The following CEMIP2 variants were observed in gnomAD, a reference collection of about 807,000 sequenced individuals.
The protein encoded by CEMIP2 is cell surface hyaluronidase CEMIP2.
In CEMIP2, 79 loss-of-function variants were observed where a neutral mutation model predicts 146.9. The observed-to-expected ratio is 0.54, with a 90% CI of 0.45 to 0.65. The LOEUF is 0.65. CEMIP2 is among the 30% of genes least tolerant of loss of function. The probability of loss-of-function intolerance (pLI) is 0.00; values close to 1 mark genes in which losing one functional copy is unlikely to be tolerated. For missense variants in CEMIP2, 1,596 were observed against 1,696.2 expected, an observed-to-expected ratio of 0.94 and a Z score of 1.04; for synonymous variants, 601 against 606.3, an observed-to-expected ratio of 0.99 and a Z score of 0.13.
intron 10 of CEMIP2, among the ~76,000 whole-genome samples, chr9:71,726,626 G>C (rs1192999953): frequency 6.6e-6 from 1 of 152,170 alleles, no homozygotes; most frequent in Non-Finnish European, 1.5e-5. Context: ...CTTACTAGCT[G>C]TAACAAATAG....
At chr9:71,690,851 T>C (rs936695287) in intron 21 of CEMIP2, among the ~76,000 whole-genome samples, 2 of 152,184 alleles carry the variant, frequency 1.3e-5, no homozygotes, top group Non-Finnish European at 2.9e-5. Flanking sequence ...ATTTTCAAAG[T>C]CATCCTCTTT....
chr9:71,734,281 C>A (rs181359880), intron 6 of CEMIP2, among the ~76,000 whole-genome samples: 3 of 151,010 alleles, frequency 2.0e-5, no homozygotes, highest in Non-Finnish European at 4.4e-5. Context: ...AGAAATACTT[C>A]TATTAATAAA....
intron 14 of CEMIP2, 93 bp downstream of exon 14, chr9:71,716,424 A>G (rs190410933): frequency 1.2e-5 from 13 of 1,090,894 alleles, no homozygotes; most frequent in Non-Finnish European, 1.6e-5. Flanking sequence ...TGTTAAAAAA[A>G]ATAATAAAAC....
chr9:71,685,633 C>G lies in CEMIP2; in HGVS notation c.3955+110G>C, dbSNP rs1822038135. ...TTATTTAGAAATCATCTTAATGATA[C>G]CCACTCCAGCAAACAAGCTCATGAA... On this transcript the variant is annotated intron_variant, in intron 23 of 23. Coordinates refer to ENST00000377044, the MANE Select transcript of CEMIP2 (RefSeq NM_013390.3). 25 of 929,658 alleles carry G rather than the reference C, an allele frequency of 2.7e-5. No individual in the cohort carries two copies. In the South Asian group the frequency reaches 3.9e-4, roughly 14 times the overall value. 57.6% of individuals were successfully genotyped at this position (929,658 alleles called of 1,614,324 possible).
At chr9:71,756,949 A>G (rs1306962367) in intron 1 of CEMIP2, among the ~76,000 whole-genome samples, 2 of 152,234 alleles carry the variant, frequency 1.3e-5, no homozygotes, top group African/African-American at 2.4e-5. Flanking sequence ...TCAAAGAGAA[A>G]GGCTTCTCAA....
At chr9:71,733,517 A>G (rs1397045011) in intron 6 of CEMIP2, among the ~76,000 whole-genome samples, 1 of 152,224 alleles carries the variant, frequency 6.6e-6, no homozygotes, top group African/African-American at 2.4e-5. Flanking sequence ...ACGGAAGCAC[A>G]GGGAAAAAAG....
chr9:71,740,265 C>T (rs1433697834), intron 4 of CEMIP2, 33 bp from the exon 5 acceptor site: 1 of 1,604,968 alleles, frequency 6.2e-7, no homozygotes, highest in South Asian at 1.1e-5. Flanking sequence ...CATTTGATTA[C>T]TTGTCATGGT....
At chr9:71,766,193 C>T (rs1055621906) in intron 1 of CEMIP2, among the ~76,000 whole-genome samples, 4 of 151,854 alleles carry the variant, frequency 2.6e-5, no homozygotes, top group Admixed American at 6.6e-5. Context: ...CTCAGCCTCC[C>T]GAGTAGCTGG....
chr9:71,737,722 T>C (rs1481364642), intron 5 of CEMIP2, among the ~76,000 whole-genome samples: 1 of 152,152 alleles, frequency 6.6e-6, no homozygotes, highest in African/African-American at 2.4e-5. Flanking sequence ...GATTCTGTTT[T>C]TGTACTCTTG....
intron 12 of CEMIP2, among the ~76,000 whole-genome samples, chr9:71,721,853 T>C (rs928391140): frequency 8.5e-5 from 13 of 152,354 alleles, no homozygotes; most frequent in African/African-American, 3.1e-4. Context: ...ATATAGCATG[T>C]AAGAGAACTC....
chr9:71,685,348 CATG>C lies in CEMIP2; in HGVS notation c.3998_4000del (p.Ser1333del), dbSNP rs1268562815. Reference sequence around the variant, plus strand: ...AGCAGGACTGGTAAATAGCTTAGTCCATGATGGTTTAAAGTTTCCACTGAATCC... The same window carrying C: ...AGCAGGACTGGTAAATAGCTTAGTCCATGGTTTAAAGTTTCCACTGAATCC... On this transcript the variant is annotated inframe_deletion, in exon 24 of 24. Coordinates refer to ENST00000377044, the MANE Select transcript of CEMIP2 (RefSeq NM_013390.3). 1.1e-5 allele frequency: 18 copies of C among 1,584,996 alleles called. No homozygotes were observed. Among genetic ancestry groups the C allele is most frequent in the Non-Finnish European group, 1.5e-5 (18 of 1,173,074 alleles).
At chr9:71,720,833 A>T (rs1316383774) in intron 12 of CEMIP2, among the ~76,000 whole-genome samples, 1 of 152,178 alleles carries the variant, frequency 6.6e-6, no homozygotes, top group Non-Finnish European at 1.5e-5. Flanking sequence ...CAACTTCCAA[A>T]TGGAGTCCAA....
At chr9:71,768,261 T>C (rs1032935128) in intron 1 of CEMIP2, 96 bp downstream of exon 1, 6 of 106,466 alleles carry the variant, frequency 5.6e-5, no homozygotes, top group Admixed American at 2.9e-4. Flanking sequence ...GCAGAAAAGG[T>C]GGGCGAGACC....
rs767944499 is a variant in CEMIP2, at chr9:71,690,161, T to C, written c.3782A>G (p.Glu1261Gly). The C allele has an allele frequency of 6.2e-7, 1 of 1,614,178 alleles. No homozygotes were observed. The highest frequency in any genetic ancestry group is 8.5e-7 in the Non-Finnish European group (1 of 1,180,018). Residue 1261 changes from glutamate (E) to glycine (G), a missense_variant, in exon 22 of 24, where the codon GAA (glutamate) becomes GGA (glycine). Coordinates refer to ENST00000377044, the MANE Select transcript of CEMIP2 (RefSeq NM_013390.3). ...DPCSVPFRLT[E>G]KTVFPLADVS... ...ATCAGCAAGAGGAAAAACCGTTTTT[T>C]CCGTCAAGCGGAATGGAACGCTGCA... is the stretch of plus-strand genomic sequence containing the variant.
At position 71,692,470 on chromosome 9, in the gene CEMIP2, T is replaced by G. The variant is rs371781353; in HGVS notation, c.3696+2039A>C. ...CTCATGCAACTCCCACCAGTTACCA[T>G]GCTAACAGGCTGGGATCAGGTTCCT... On this transcript the variant is annotated intron_variant, in intron 21 of 23. Coordinates refer to ENST00000377044, the MANE Select transcript of CEMIP2 (RefSeq NM_013390.3). 3.6e-4 allele frequency among the ~76,000 whole-genome samples: 54 copies of G among 149,410 alleles called. 2 individuals carry two copies. In the South Asian group the frequency reaches 0.012, roughly 32 times the overall value.
chr9:71,757,776 G>C (rs1184777324), intron 1 of CEMIP2, among the ~76,000 whole-genome samples: 3 of 152,196 alleles, frequency 2.0e-5, no homozygotes, highest in Non-Finnish European at 4.4e-5. Flanking sequence ...AGGGGAAGCA[G>C]GGTTAGGGCG....
chr9:71,742,055 C>A (rs968879504), intron 4 of CEMIP2, among the ~76,000 whole-genome samples: 1 of 152,100 alleles, frequency 6.6e-6, no homozygotes, highest in Non-Finnish European at 1.5e-5. Context: ...CTTTAAGACT[C>A]CTGGTTTAAA....
intron 6 of CEMIP2, among the ~76,000 whole-genome samples, chr9:71,734,394 G>A (rs1336207267): frequency 6.6e-6 from 1 of 152,124 alleles, no homozygotes; most frequent in Non-Finnish European, 1.5e-5. Flanking sequence ...AGGAAAAATA[G>A]CTAATGCATG....
chr9:71,714,366 G>GCGATGATGATGA (rs113067196), intron 15 of CEMIP2, among the ~76,000 whole-genome samples: 1 of 151,786 alleles, frequency 6.6e-6, no homozygotes, highest in Admixed American at 6.6e-5. Context: ...TAATGACTCT[G>GCGATGATGATGA]TGATGATGAT....
Sources: gnomAD v4.1 joint callset for allele counts (sites outside exome capture counted in the v4.1 genomes callset) on GRCh38, gnomAD v4.1.1 for gene constraint, MANE v1.5 for transcripts, NCBI Gene and HGNC (gene_info 2026-07-23, HGNC 2026-07-21) for gene names.